GPC4: variants seen among roughly 807,000 people sequenced by gnomAD.
GPC4 encodes the protein glypican 4, also known as glypican-4.
In GPC4, 10 loss-of-function variants were observed where a neutral mutation model predicts 35.0. The ratio of observed to expected loss-of-function variants is 0.29; its 90% confidence interval spans 0.18 to 0.48. The LOEUF (loss-of-function observed/expected upper bound fraction) is 0.48. Ranked by LOEUF, GPC4 falls within the 20% of genes least tolerant of loss-of-function variation. The pLI is 0.99. For missense variants in GPC4, 322 were observed against 451.3 expected (o/e 0.71, Z 2.60); for synonymous variants, 167 against 170.2 (o/e 0.98, Z 0.15).
At chrX:133,367,804 G>A (rs780799434) in intron 1 of GPC4, among the ~76,000 whole-genome samples, 2 of 112,147 alleles carry the variant, frequency 1.8e-5, no homozygotes, top group East Asian at 5.6e-4. Flanking sequence ...GGAGGTTCAG[G>A]CTGCAGCGAG....
At chrX:133,337,038 C>T (rs1057153092) in intron 2 of GPC4, among the ~76,000 whole-genome samples, 1 of 111,158 alleles carries the variant, frequency 9.0e-6, no homozygotes, top group Non-Finnish European at 1.9e-5. Context: ...AGGCTGGTCT[C>T]GAACTCCTGG....
chrX:133,400,528 T>C (rs2068764083), intron 1 of GPC4, among the ~76,000 whole-genome samples: 1 of 112,442 alleles, frequency 8.9e-6, no homozygotes, highest in Non-Finnish European at 1.9e-5. Context: ...CTGGCTTGTA[T>C]CCTTTTTATT....
chrX:133,337,418 T>C (rs1477931307), intron 2 of GPC4, among the ~76,000 whole-genome samples: 7 of 111,606 alleles, frequency 6.3e-5, no homozygotes, highest in East Asian at 2.8e-4. Context: ...AGTAGGCCCA[T>C]AGGCAATGAC....
intron 1 of GPC4, among the ~76,000 whole-genome samples, chrX:133,368,984 T>C (rs929257116): frequency 2.7e-5 from 3 of 111,613 alleles, no homozygotes; most frequent in African/African-American, 9.8e-5. Context: ...GGTTTCTTAA[T>C]TTTGTTCGCA....
intron 1 of GPC4, among the ~76,000 whole-genome samples, chrX:133,396,602 AG>A (rs1250527889): frequency 8.9e-6 from 1 of 112,062 alleles, no homozygotes; most frequent in Non-Finnish European, 1.9e-5. Context: ...AACAGCTGCT[AG>A]GACTTCAAGA....
chrX:133,340,750 G>A (rs1472668101), intron 1 of GPC4, among the ~76,000 whole-genome samples: 1 of 111,851 alleles, frequency 8.9e-6, no homozygotes, highest in Admixed American at 9.5e-5. Context: ...ACACTAGATT[G>A]TCAACTGCAC....
chrX:133,342,427 GC>G (rs750016917), intron 1 of GPC4, among the ~76,000 whole-genome samples: 2 of 111,863 alleles, frequency 1.8e-5, no homozygotes, highest in South Asian at 7.6e-4. Flanking sequence ...TGAAAGGCTT[GC>G]CTTATGTAAA....
chrX:133,320,238 T>TAC (rs2068357744), intron 3 of GPC4, among the ~76,000 whole-genome samples: 1 of 111,858 alleles, frequency 8.9e-6, no homozygotes, highest in Non-Finnish European at 1.9e-5. Flanking sequence ...CCCATACAAC[T>TAC]ACACAATTAT....
intron 3 of GPC4, among the ~76,000 whole-genome samples, chrX:133,313,599 G>A (rs371411803): frequency 9.0e-6 from 1 of 111,592 alleles, no homozygotes; most frequent in Non-Finnish European, 1.9e-5. Context: ...AGGACTGGAG[G>A]GGGGAGGTGG....
chrX:133,313,237 C>A (rs1163347331), intron 3 of GPC4, among the ~76,000 whole-genome samples: 1 of 112,244 alleles, frequency 8.9e-6, no homozygotes, highest in African/African-American at 3.2e-5. Context: ...AGAAAAAAAA[C>A]AGTCAGGCTC....
chrX:133,303,265 G>T lies in GPC4; in HGVS notation c.1369C>A (p.Pro457Thr), dbSNP rs1381099676. Residue 457 changes from proline to threonine, a missense_variant, in exon 8 of 9, where the codon CCA becomes ACA. Around this residue, in one of 3 missense-constraint regions of GPC4, gnomAD observed 99 missense variants for 110.0 expected, o/e 0.90. Transcript: ENST00000370828. Reference protein sequence around the residue: ...NPEVQVDTSKPDILILRQIMA... With the variant: ...NPEVQVDTSKTDILILRQIMA... Reference sequence around the variant, plus strand: ...ATTTGACGAAGGATCAGTATGTCTGGTTTGCTGGTGTCAACCTGGACCTCT... The same window carrying T: ...ATTTGACGAAGGATCAGTATGTCTGTTTTGCTGGTGTCAACCTGGACCTCT... 2 of 1,209,034 alleles carry T rather than the reference G, an allele frequency of 1.7e-6. No homozygotes were observed. The highest frequency in any genetic ancestry group is 2.2e-6 in the Non-Finnish European group (2 of 894,574).
intron 2 of GPC4, among the ~76,000 whole-genome samples, chrX:133,338,547 G>A (rs766739582): frequency 8.9e-6 from 1 of 111,773 alleles, no homozygotes; most frequent in Non-Finnish European, 1.9e-5. Flanking sequence ...TTAAGAGAAA[G>A]TGTGCCTGCA....
At chrX:133,324,593 TTAAA>T (rs2068383461) in intron 2 of GPC4, 57 bp from the exon 3 acceptor site, 6 of 1,002,012 alleles carry the variant, frequency 6.0e-6, no homozygotes, top group East Asian at 6.4e-5. Context: ...TTTTCAGTGT[TTAAA>T]TAACTGCTTT....
At chrX:133,304,227 G>A (rs2068281185) in intron 7 of GPC4, among the ~76,000 whole-genome samples, 1 of 110,657 alleles carries the variant, frequency 9.0e-6, no homozygotes, top group African/African-American at 3.3e-5. Flanking sequence ...TTGAACCCGG[G>A]AGGTGGAGGT....
rs1164139847 is a variant in GPC4 at position 133,300,715 on chromosome X, G to T, written c.*2152C>A. ...ATTTGGAAAATGTTATTGGTTTAGA[G>T]AATTTGACTGGAAGAAAACAGCTGG... On this transcript the variant is annotated 3_prime_UTR_variant, in exon 9 of 9. Coordinates refer to ENST00000370828, the MANE Select transcript of GPC4 (RefSeq NM_001448.3). 1.8e-5 allele frequency: 2 copies of T among 112,141 alleles called. 1 individual carries two copies. The highest frequency in any genetic ancestry group is 1.9e-4 in the Admixed American group (2 of 10,558). The allele number at this position is 112,141 out of a possible 1,213,427, so 9.2% of individuals were successfully genotyped here. A position where few individuals can be genotyped will look rare whatever the true frequency, so the allele number is the denominator to read the frequency against.
chrX:133,326,397 G>C (rs1160641795), intron 2 of GPC4, among the ~76,000 whole-genome samples: 1 of 111,476 alleles, frequency 9.0e-6, no homozygotes, highest in Admixed American at 9.6e-5. Context: ...GCAAATTCTT[G>C]GCCCCACCCC....
At chrX:133,386,239 A>G (rs917314302) in intron 1 of GPC4, among the ~76,000 whole-genome samples, 1 of 106,749 alleles carries the variant, frequency 9.4e-6, no homozygotes, top group Non-Finnish European at 1.9e-5. Flanking sequence ...TGTCTCAAAA[A>G]AAAAAAAAAA....
At chrX:133,403,709 T>A (rs1206693947) in intron 1 of GPC4, among the ~76,000 whole-genome samples, 3 of 109,439 alleles carry the variant, frequency 2.7e-5, no homozygotes, top group African/African-American at 1.0e-4. Flanking sequence ...TGCCTTTTTT[T>A]TTTTTTGACA....
At chrX:133,309,225 C>T (rs1052073350) in intron 4 of GPC4, among the ~76,000 whole-genome samples, 7 of 111,769 alleles carry the variant, frequency 6.3e-5, no homozygotes, top group African/African-American at 1.9e-4. Flanking sequence ...ATACCTCATC[C>T]CTCCAAAAAG....
Sources: allele counts gnomAD v4.1 joint callset (sites outside exome capture counted in the v4.1 genomes callset), GRCh38; gene constraint gnomAD v4.1.1; regional missense constraint gnomAD v4.1.1; transcripts MANE v1.5; gene names NCBI Gene and HGNC (gene_info 2026-07-23, HGNC 2026-07-21).